The following RFX6 variants were observed in gnomAD, a reference collection of about 807,000 sequenced individuals.
RFX6 encodes the protein DNA-binding protein RFX6.
A neutral mutation model predicts 110.8 loss-of-function variants in RFX6; 50 were observed. That is an observed-to-expected ratio of 0.45 (90% confidence interval 0.36 to 0.57). The LOEUF is 0.57. RFX6 is among the 20% of genes least tolerant of loss of function. RFX6 has a pLI of 0.00. For synonymous variants in RFX6, 383 were observed against 411.2 expected (o/e 0.93, Z 0.83); for missense variants, 990 against 1,127.0 (o/e 0.88, Z 1.74).
chr6:116,917,755 G>T (rs1775499310), intron 9 of RFX6, among the ~76,000 whole-genome samples: 1 of 152,148 alleles, frequency 6.6e-6, no homozygotes, highest in South Asian at 2.1e-4. Context: ...AAAGTGGTCA[G>T]CTTTTCATCA....
intron 4 of RFX6, among the ~76,000 whole-genome samples, chr6:116,889,342 AT>A (rs1774770274): frequency 6.6e-6 from 1 of 152,122 alleles, no homozygotes; most frequent in Non-Finnish European, 1.5e-5. Context: ...CTTCGTACTA[AT>A]TTTTAATGAG....
intron 12 of RFX6, among the ~76,000 whole-genome samples, chr6:116,921,208 T>A (rs1775587533): frequency 2.0e-5 from 3 of 152,196 alleles, no homozygotes; most frequent in Admixed American, 2.0e-4. Context: ...TTTCCTAACA[T>A]AAAATAGGAT....
intron 4 of RFX6, 131 bp from the exon 5 acceptor site, chr6:116,893,856 A>C (rs533398146): frequency 1.3e-5 from 9 of 718,760 alleles, no homozygotes; most frequent in Admixed American, 1.1e-4. Context: ...CCTACCTGAA[A>C]AATGTCAGAA....
Position 116,877,801 on chromosome 6 carries a change from C to T in RFX6, c.229C>T (p.His77Tyr). ...ELPGAVKSEM[H>Y]LNNGNFSSEE... is the part of the protein sequence containing the mutation. Reference sequence around the variant, plus strand: ...TCCCTTCAACTGGCAATCAGAAATGCACTTAAACAATGGTAACTTTTCCTC... The same window carrying T: ...TCCCTTCAACTGGCAATCAGAAATGTACTTAAACAATGGTAACTTTTCCTC... The change falls in exon 2 of 19, where the codon CAC (histidine) becomes TAC (tyrosine). Residue 77 changes from histidine (H) to tyrosine (Y), a missense_variant. Transcript: ENST00000332958. The T allele has an allele frequency of 1.9e-6, 3 of 1,613,756 alleles. No individual in the cohort carries two copies. The highest frequency in any genetic ancestry group is 2.5e-6 in the Non-Finnish European group (3 of 1,179,894).
rs146773792 is a variant in RFX6, at chr6:116,877,337, C to A, written c.62C>A (p.Ser21Tyr). ...FLQAQPAPQL[S>Y]PGIQEDCCVQ... The stretch of plus-strand genomic sequence containing the variant: ...CAGGCGCAGCCTGCGCCCCAACTGT[C>A]CCCGGGGATCCAGGAAGACTGCTGT... The change falls in exon 1 of 19, where the codon TCC becomes TAC. Residue 21 changes from serine (S) to tyrosine (Y), a missense_variant. Physicochemically the swap from Ser to Tyr is moderately radical, Grantham distance 144. Around this residue, in one of 5 missense-constraint regions of RFX6, gnomAD observed 175 missense variants for 162.3 expected, o/e 1.08. Transcript: ENST00000332958. 6.6e-4 allele frequency: 1,072 copies of A among 1,612,872 alleles called. 1 individual carries two copies. The highest frequency in any genetic ancestry group is 8.3e-4 in the Non-Finnish European group (982 of 1,179,566).
chr6:116,889,383 C>T (rs1774771235), intron 4 of RFX6, among the ~76,000 whole-genome samples: 1 of 151,982 alleles, frequency 6.6e-6, no homozygotes, highest in Non-Finnish European at 1.5e-5. Flanking sequence ...ATAAAATTCT[C>T]ATCCTCGAAA....
intron 16 of RFX6, among the ~76,000 whole-genome samples, chr6:116,926,139 A>C (rs997447335): frequency 1.3e-5 from 2 of 152,134 alleles, no homozygotes; most frequent in African/African-American, 4.8e-5. Flanking sequence ...CAACATGGCA[A>C]AACCCCGTCT....
Position 116,927,460 on chromosome 6 carries a change from TAC to T in RFX6, c.2321_2322del (p.Thr774ArgfsTer22). 1 of 1,614,122 alleles carries T rather than the reference TAC, an allele frequency of 6.2e-7. No individual in the cohort carries two copies. The highest frequency in any genetic ancestry group is 8.5e-7 in the Non-Finnish European group (1 of 1,179,996). On this transcript the variant is annotated frameshift_variant, in exon 17 of 19. Transcript: ENST00000332958. ...QDSHNMQFLN[T>X]GSFNFLSNTG... is the part of the protein sequence containing the mutation. ...ATTCACACAATATGCAGTTTTTAAATACAGGAAGCTTCAATTTCTTGAGCAAC... is the reference window on the plus strand; with the variant it reads ...ATTCACACAATATGCAGTTTTTAAATAGGAAGCTTCAATTTCTTGAGCAAC...
rs377721888 is a variant in RFX6 at position 116,877,840 on chromosome 6, G to A, written c.268G>A (p.Ala90Thr). ...TAACTTTTCCTCTGAAGAAGAGGAC[G>A]CCGACAACCACGACAGCAAAACCAA... ...NGNFSSEEED[A>T]DNHDSKTKAA... Residue 90 changes from alanine (A) to threonine (T), a missense_variant, in exon 2 of 19, where the codon GCC (alanine) becomes ACC (threonine). Around this residue, in one of 5 missense-constraint regions of RFX6, gnomAD observed 175 missense variants for 162.3 expected, o/e 1.08. Transcript: ENST00000332958. 6.9e-5 allele frequency: 112 copies of A among 1,614,002 alleles called. No individual in the cohort carries two copies. The African/African-American group carries it at 1.3e-3, about 18-fold the overall frequency.
intron 4 of RFX6, among the ~76,000 whole-genome samples, chr6:116,890,500 C>G (rs892877738): frequency 2.0e-5 from 3 of 152,100 alleles, no homozygotes; most frequent in African/African-American, 7.2e-5. Context: ...ACATGGCACA[C>G]AGTGAGCACT....
At chr6:116,895,047 A>G (rs1184805794) in intron 5 of RFX6, 133 bp from the exon 6 acceptor site, 5 of 554,962 alleles carry the variant, frequency 9.0e-6, no homozygotes, top group Middle Eastern at 4.2e-4. Context: ...ATTTCTTTAA[A>G]AAAAGCAAAT....
At chr6:116,894,844 T>G (rs1774908340) in intron 5 of RFX6, among the ~76,000 whole-genome samples, 1 of 152,064 alleles carries the variant, frequency 6.6e-6, no homozygotes. Flanking sequence ...AATTTAGATA[T>G]TACAAGGAAC....
Position 116,931,425 on chromosome 6 carries a change from T to C in RFX6, c.2706T>C (p.His902=). The C allele has an allele frequency of 6.2e-7, 1 of 1,612,936 alleles. No homozygotes were observed. The highest frequency in any genetic ancestry group is 8.5e-7 in the Non-Finnish European group (1 of 1,178,956). The stretch of plus-strand genomic sequence containing the variant: ...CAGCTCAAGAAACCCTGGACTCCCA[T>C]GGAACAAGCAGTAGAGAAATGGTGT... ...QYPAQETLDS[H]GTSSREMVSS... Residue 902 remains histidine, a synonymous_variant, in exon 19 of 19, where the codon CAT becomes CAC. Transcript: ENST00000332958.
At chr6:116,895,268 T>C in intron 6 of RFX6, 61 bp downstream of exon 6, 1 of 899,026 alleles carries the variant, frequency 1.1e-6, no homozygotes, top group Non-Finnish European at 1.8e-6. Context: ...AGCTGAGCAA[T>C]ACATGTTAAT....
chr6:116,903,553 CA>C (rs1775123588), intron 6 of RFX6, among the ~76,000 whole-genome samples: 1 of 151,988 alleles, frequency 6.6e-6, no homozygotes, highest in East Asian at 1.9e-4. Context: ...CCACTTCAAT[CA>C]CTTTTTCCTC....
At chr6:116,918,810 A>C (rs564964148) in intron 10 of RFX6, among the ~76,000 whole-genome samples, 1 of 152,194 alleles carries the variant, frequency 6.6e-6, no homozygotes, top group South Asian at 2.1e-4. Flanking sequence ...CCTGATCAAT[A>C]ATGTCTTTTA....
chr6:116,929,840 A>G (rs1057404491), intron 18 of RFX6, among the ~76,000 whole-genome samples: 4 of 152,304 alleles, frequency 2.6e-5, no homozygotes, highest in African/African-American at 9.6e-5. Context: ...CATAAGGGAA[A>G]ATGAAATCAA....
chr6:116,908,257 C>G (rs1175286442), intron 6 of RFX6, among the ~76,000 whole-genome samples: 2 of 151,982 alleles, frequency 1.3e-5, no homozygotes, highest in African/African-American at 2.4e-5. Context: ...TGATATTTGT[C>G]TTTCTGTGCC....
chr6:116,922,582 T>G (rs1775625917), intron 13 of RFX6, among the ~76,000 whole-genome samples: 1 of 152,124 alleles, frequency 6.6e-6, no homozygotes, highest in South Asian at 2.1e-4. Flanking sequence ...TCTCTGTGGT[T>G]TCTTCACCTT....
Sources: allele counts gnomAD v4.1 joint callset (sites outside exome capture counted in the v4.1 genomes callset), GRCh38; gene constraint gnomAD v4.1.1; regional missense constraint gnomAD v4.1.1; transcripts MANE v1.5; gene names NCBI Gene and HGNC (gene_info 2026-07-23, HGNC 2026-07-21).